Variants in XRCC4 observed in about 807,000 individuals in gnomAD.
XRCC4 encodes DNA repair protein XRCC4.
A neutral mutation model predicts 39.1 loss-of-function variants in XRCC4; 28 were observed. That is an observed-to-expected ratio of 0.72 (90% CI 0.53 to 0.98). XRCC4 has a LOEUF of 0.98. XRCC4 is among the 50% of genes least tolerant of loss of function. The pLI is 0.00. For synonymous variants in XRCC4, 123 were observed against 126.4 expected (o/e 0.97, Z 0.18); for missense variants, 350 against 376.4 (o/e 0.93, Z 0.58).
intron 7 of XRCC4, among the ~76,000 whole-genome samples, chr5:83,313,842 G>A (rs948270217): frequency 6.6e-6 from 1 of 151,944 alleles, no homozygotes; most frequent in East Asian, 1.9e-4. Flanking sequence ...ATTTTTCTCT[G>A]TAGACCATAT....
chr5:83,339,828 G>A (rs191733068), intron 7 of XRCC4, among the ~76,000 whole-genome samples: 13 of 152,246 alleles, frequency 8.5e-5, no homozygotes, highest in African/African-American at 2.4e-4. Flanking sequence ...GTGAAACACA[G>A]CATTCTGTTT....
chr5:83,123,050 G>C (rs1026000194), intron 3 of XRCC4, among the ~76,000 whole-genome samples: 46 of 152,168 alleles, frequency 3.0e-4, no homozygotes, highest in African/African-American at 8.7e-4. Flanking sequence ...GAATTAATTA[G>C]ATCAGGTTGG....
Position 83,102,064 on chromosome 5 carries a change from A to G in XRCC4, c.-10-2846A>G, listed in dbSNP as rs183002819. Among the ~76,000 whole-genome samples, 13 of 151,424 alleles carry G rather than the reference A, an allele frequency of 8.6e-5. No individual in the cohort carries two copies. The East Asian group carries it at 2.1e-3, about 25-fold the overall frequency. On this transcript the variant is annotated intron_variant, in intron 1 of 7. Coordinates refer to ENST00000396027, the MANE Select transcript of XRCC4 (RefSeq NM_003401.5). ...CAACACAACCCCTATCACTCTCACT[A>G]TCACTAAAAACAATAATTAAAACTG... is the stretch of plus-strand genomic sequence containing the variant.
At chr5:83,204,061 T>A (rs1453146200) in intron 5 of XRCC4, among the ~76,000 whole-genome samples, 4 of 152,166 alleles carry the variant, frequency 2.6e-5, no homozygotes, top group Non-Finnish European at 5.9e-5. Context: ...GTCTAGGCAA[T>A]GATTAACTTT....
At chr5:83,177,438 C>CTTTGTTT (rs1554061575) in intron 3 of XRCC4, among the ~76,000 whole-genome samples, 4 of 98,360 alleles carry the variant, frequency 4.1e-5, no homozygotes, top group African/African-American at 8.1e-5. Context: ...GCTTTAATAC[C>CTTTGTTT]TTTTTTTTTT....
chr5:83,246,049 T>C (rs1753088499), intron 6 of XRCC4, among the ~76,000 whole-genome samples: 1 of 152,098 alleles, frequency 6.6e-6, no homozygotes, highest in African/African-American at 2.4e-5. Context: ...ATTGTCCTTT[T>C]TCCTATTAAG....
At chr5:83,314,726 C>T (rs1480649815) in intron 7 of XRCC4, among the ~76,000 whole-genome samples, 1 of 152,134 alleles carries the variant, frequency 6.6e-6, no homozygotes, top group South Asian at 2.1e-4. Flanking sequence ...TTTACTATTG[C>T]AATTATTTTG....
At chr5:83,153,214 C>CTT (rs36084579) in intron 3 of XRCC4, among the ~76,000 whole-genome samples, 230 of 145,250 alleles carry the variant, frequency 1.6e-3, no homozygotes, top group Middle Eastern at 3.6e-3. Context: ...TTCATTCAAA[C>CTT]TTTTTTTTTT....
chr5:83,304,009 G>T (rs981779684), intron 7 of XRCC4, among the ~76,000 whole-genome samples: 11 of 151,982 alleles, frequency 7.2e-5, no homozygotes, highest in African/African-American at 2.7e-4. Flanking sequence ...TTACCTAGAA[G>T]TGGTTAAAAC....
intron 1 of XRCC4, among the ~76,000 whole-genome samples, chr5:83,099,809 C>T (rs991231707): frequency 6.6e-6 from 1 of 152,126 alleles, no homozygotes; most frequent in African/African-American, 2.4e-5. Flanking sequence ...ATCAATCAGT[C>T]CCTCTGAAGA....
chr5:83,099,798 A>G (rs1346956121), intron 1 of XRCC4, among the ~76,000 whole-genome samples: 1 of 152,180 alleles, frequency 6.6e-6, no homozygotes, highest in Admixed American at 6.5e-5. Flanking sequence ...TTATAGCCCT[A>G]ATCAATCAGT....
chr5:83,277,502 T>G (rs1374600389), intron 7 of XRCC4, among the ~76,000 whole-genome samples: 1 of 152,228 alleles, frequency 6.6e-6, no homozygotes, highest in African/African-American at 2.4e-5. Context: ...GTCATTTCAA[T>G]CCACTGACAT....
At chr5:83,307,406 A>G (rs1755527189) in intron 7 of XRCC4, among the ~76,000 whole-genome samples, 1 of 152,230 alleles carries the variant, frequency 6.6e-6, no homozygotes, top group Non-Finnish European at 1.5e-5. Context: ...CTCCCTGAAT[A>G]TACTTACAGT....
intron 6 of XRCC4, among the ~76,000 whole-genome samples, chr5:83,254,016 A>T (rs1753427628): frequency 6.6e-6 from 1 of 152,100 alleles, no homozygotes; most frequent in Non-Finnish European, 1.5e-5. Context: ...AAGAACTTGA[A>T]ATTCATCCCA....
chr5:83,281,790 C>T (rs917273197), intron 7 of XRCC4, among the ~76,000 whole-genome samples: 1 of 152,198 alleles, frequency 6.6e-6, no homozygotes, highest in African/African-American at 2.4e-5. Context: ...TGTTGTCTGA[C>T]TACCTTTGCC....
intron 4 of XRCC4, among the ~76,000 whole-genome samples, chr5:83,200,128 C>G (rs1231265789): frequency 6.6e-6 from 1 of 152,162 alleles, no homozygotes; most frequent in Non-Finnish European, 1.5e-5. Flanking sequence ...CATCATAATG[C>G]TCTAGGAGAG....
At chr5:83,084,172 T>C (rs993993693) in intron 1 of XRCC4, among the ~76,000 whole-genome samples, 2 of 152,222 alleles carry the variant, frequency 1.3e-5, no homozygotes, top group Non-Finnish European at 2.9e-5. Flanking sequence ...CTTTTGAGTG[T>C]AAAATCAATG....
chr5:83,153,140 C>A (rs1424854279), intron 3 of XRCC4, among the ~76,000 whole-genome samples: 1 of 152,002 alleles, frequency 6.6e-6, no homozygotes, highest in African/African-American at 2.4e-5. Flanking sequence ...TCTTTTAGGA[C>A]TGGCTTTTTT....
chr5:83,120,652 A>C (rs1022718877), intron 3 of XRCC4, among the ~76,000 whole-genome samples: 1 of 152,140 alleles, frequency 6.6e-6, no homozygotes, highest in African/African-American at 2.4e-5. Context: ...GTAGTATTCC[A>C]TTGTATTGAT....
Sources: allele counts gnomAD v4.1 joint callset (sites outside exome capture counted in the v4.1 genomes callset), GRCh38; gene constraint gnomAD v4.1.1; transcripts MANE v1.5; gene names NCBI Gene and HGNC (gene_info 2026-07-23, HGNC 2026-07-21).